BIN2: variants seen among roughly 807,000 people sequenced by gnomAD.
BIN2 encodes the protein bridging integrator 2.
BIN2 carries 43 observed loss-of-function variants against 67.9 expected under a neutral mutation model. The observed-to-expected ratio is 0.63, with a 90% CI of 0.50 to 0.82. The LOEUF (loss-of-function observed/expected upper bound fraction) is 0.82, where lower values mean the gene tolerates loss of function less well. BIN2 is among the 40% of genes least tolerant of loss of function. BIN2 has a pLI of 0.00. For synonymous variants in BIN2, 244 were observed against 246.8 expected, an observed-to-expected ratio of 0.99 and a Z score of 0.11; for missense variants, 581 against 671.6, an observed-to-expected ratio of 0.87 and a Z score of 1.49.
intron 1 of BIN2, among the ~76,000 whole-genome samples, chr12:51,316,790 G>T (rs1946146478): frequency 6.6e-6 from 1 of 152,038 alleles, no homozygotes; most frequent in South Asian, 2.1e-4. Context: ...TCATCCCATT[G>T]ATCGATTATT....
intron 12 of BIN2, among the ~76,000 whole-genome samples, chr12:51,283,133 T>C (rs1046791157): frequency 1.3e-5 from 2 of 151,378 alleles, no homozygotes; most frequent in Admixed American, 1.3e-4. Context: ...CGCCACCGCC[T>C]GTAATCCCAG....
intron 1 of BIN2, among the ~76,000 whole-genome samples, chr12:51,316,328 C>CAAAAAAAAAAAA (rs3059178): frequency 8.1e-6 from 1 of 123,288 alleles, no homozygotes; most frequent in Admixed American, 8.1e-5. Flanking sequence ...ACTAAAAATA[C>CAAAAAAAAAAAA]AAAAAAAAAA....
chr12:51,291,136 G>A (rs1193836300), intron 10 of BIN2, among the ~76,000 whole-genome samples: 2 of 151,988 alleles, frequency 1.3e-5, no homozygotes, highest in Non-Finnish European at 2.9e-5. Flanking sequence ...GTGACAGAGC[G>A]AGACTCCATC....
intron 2 of BIN2, among the ~76,000 whole-genome samples, chr12:51,311,029 G>A (rs1312762363): frequency 6.6e-6 from 1 of 151,564 alleles, no homozygotes; most frequent in African/African-American, 2.4e-5. Context: ...GATTATAGGT[G>A]TGGGCCACCA....
intron 2 of BIN2, among the ~76,000 whole-genome samples, chr12:51,313,224 CAGGA>C (rs1194489476): frequency 1.4e-4 from 11 of 76,194 alleles, no homozygotes; most frequent in African/African-American, 7.6e-4. Context: ...GGAAGGAAGG[CAGGA>C]AGGCAGGCAG....
chr12:51,299,517 A>AT (rs1945661204), intron 6 of BIN2, 90 bp downstream of exon 6: 1 of 1,188,682 alleles, frequency 8.4e-7, no homozygotes, highest in Non-Finnish European at 1.3e-6. Flanking sequence ...ATAATTTCCT[A>AT]TACCCATGTT....
Position 51,284,188 on chromosome 12 carries a change from T to C in BIN2, c.1668+528A>G, listed in dbSNP as rs1406226082. On this transcript the variant is annotated intron_variant, in intron 12 of 12. Transcript: ENST00000615107. ...TGCCCTATACAAGTGTATCACTTTT[T>C]ATTTTCTATATGCTATTTTTACTGT... Among the ~76,000 whole-genome samples the C allele has an allele frequency of 2.6e-5, 4 of 152,120 alleles. No individual in the cohort carries two copies. In the East Asian group the frequency reaches 7.7e-4, roughly 29 times the overall value.
At chr12:51,292,838 T>C (rs1945426615) in intron 9 of BIN2, among the ~76,000 whole-genome samples, 1 of 152,150 alleles carries the variant, frequency 6.6e-6, no homozygotes, top group East Asian at 1.9e-4. Context: ...CAAATGTCCT[T>C]TCCACCATGT....
intron 9 of BIN2, among the ~76,000 whole-genome samples, chr12:51,294,022 G>A (rs909141611): frequency 6.6e-6 from 1 of 152,126 alleles, no homozygotes. Context: ...TATTCACAGG[G>A]ACAAATGTAA....
intron 10 of BIN2, 146 bp downstream of exon 10, chr12:51,291,445 T>C: frequency 3.9e-6 from 3 of 766,414 alleles, no homozygotes; most frequent in Non-Finnish European, 6.0e-6. Flanking sequence ...CCTATCTCTG[T>C]TGGCAGAGGA....
At chr12:51,323,588 C>T (rs1210912324) in intron 1 of BIN2, among the ~76,000 whole-genome samples, 1 of 152,114 alleles carries the variant, frequency 6.6e-6, no homozygotes, top group African/African-American at 2.4e-5. Flanking sequence ...TGCTGGCATC[C>T]GCTGCATCGC....
At chr12:51,320,398 C>A (rs1168963246) in intron 1 of BIN2, among the ~76,000 whole-genome samples, 6 of 152,192 alleles carry the variant, frequency 3.9e-5, no homozygotes, top group Non-Finnish European at 8.8e-5. Context: ...AGCCTTTGCT[C>A]TGACCACTCC....
intron 2 of BIN2, among the ~76,000 whole-genome samples, chr12:51,309,734 G>T (rs777445105): frequency 6.6e-6 from 1 of 152,016 alleles, no homozygotes; most frequent in African/African-American, 2.4e-5. Flanking sequence ...TATTTTCCCC[G>T]CTTAAGTGAT....
At chr12:51,309,587 T>C (rs1051973067) in intron 2 of BIN2, among the ~76,000 whole-genome samples, 2 of 152,202 alleles carry the variant, frequency 1.3e-5, no homozygotes, top group African/African-American at 4.8e-5. Context: ...GGTCTCACTA[T>C]GTTGCCCAGG....
At chr12:51,310,357 G>T (rs528871915) in intron 2 of BIN2, among the ~76,000 whole-genome samples, 5 of 152,098 alleles carry the variant, frequency 3.3e-5, no homozygotes, top group African/African-American at 4.8e-5. Context: ...TAGATTAAGA[G>T]ATATGACCTT....
chr12:51,292,475 C>T (rs1278627970), intron 9 of BIN2, 131 bp from the exon 10 acceptor site: 2 of 1,065,412 alleles, frequency 1.9e-6, no homozygotes, highest in Non-Finnish European at 2.6e-6. Context: ...GCATAATTTA[C>T]AATAACACTT....
At chr12:51,301,956 C>T (rs1228134531) in intron 5 of BIN2, 64 bp downstream of exon 5, 15 of 1,131,482 alleles carry the variant, frequency 1.3e-5, no homozygotes, top group East Asian at 2.4e-5. Context: ...AATGCTTAAC[C>T]CAATATGTTC....
intron 6 of BIN2, 36 bp downstream of exon 6, chr12:51,299,571 A>C: frequency 3.9e-5 from 62 of 1,586,914 alleles, no homozygotes; most frequent in Non-Finnish European, 5.0e-5. Flanking sequence ...GAGAACAGGA[A>C]GGGTTTACCA....
chr12:51,324,078 C>T lies in BIN2; in HGVS notation c.25G>A (p.Ala9Thr), dbSNP rs756925855. The T allele has an allele frequency of 3.1e-6, 5 of 1,613,310 alleles. No homozygotes were observed. The highest frequency in any genetic ancestry group is 2.2e-5 in the East Asian group (1 of 44,852). ...ACCTGCTTGGCGAAGAGGCCGGCCG[C>T]GCCGCCTGCCTTGCCCTCTGCCATC... MAEGKAGG[A>T]AGLFAKQVQK... The change falls in exon 1 of 13, where the codon GCG (alanine) becomes ACG (threonine). Residue 9 changes from alanine to threonine, a missense_variant. By Grantham distance (58) the Ala-to-Thr change is moderately conservative. Coordinates refer to ENST00000615107, the MANE Select transcript of BIN2 (RefSeq NM_016293.4).
Sources: allele counts gnomAD v4.1 joint callset (sites outside exome capture counted in the v4.1 genomes callset), GRCh38; gene constraint gnomAD v4.1.1; transcripts MANE v1.5; gene names NCBI Gene and HGNC (gene_info 2026-07-23, HGNC 2026-07-21).